Variants in FHIT observed in about 807,000 individuals in gnomAD.
FHIT encodes the protein fragile histidine triad diadenosine triphosphatase, also known as bis(5'-adenosyl)-triphosphatase.
Under a neutral mutation model 17.9 loss-of-function variants are expected in FHIT, and 19 were observed. That is an observed-to-expected ratio of 1.06 (90% CI 0.74 to 1.56). The LOEUF is 1.56. Ranked by LOEUF, FHIT falls within the 40% of genes most tolerant of loss-of-function variation. FHIT has a pLI of 0.00. For missense variants in FHIT, 248 were observed against 189.2 expected (o/e 1.31, Z -1.82); for synonymous variants, 81 against 69.7 (o/e 1.16, Z -0.81).
chr3:61,014,972 T>C (rs936750107), intron 3 of FHIT, among the ~76,000 whole-genome samples: 1 of 151,284 alleles, frequency 6.6e-6, no homozygotes, highest in South Asian at 2.1e-4. Context: ...TCTCTCATCT[T>C]GAAGTGTGTT....
chr3:60,137,598 C>T (rs995673768), intron 5 of FHIT, among the ~76,000 whole-genome samples: 3 of 152,118 alleles, frequency 2.0e-5, no homozygotes, highest in South Asian at 2.1e-4. Flanking sequence ...GGCACTGACA[C>T]TGATGGAGAC....
chr3:60,372,616 G>GA lies in FHIT; in HGVS notation c.103+164243dup, dbSNP rs1261195382. Reference sequence around the variant, plus strand: ...GATCTACTTCAATGAACAAACAATCGAAAGCTCTTTACTTCCTGATGGCAA... The same window carrying GA: ...GATCTACTTCAATGAACAAACAATCGAAAAGCTCTTTACTTCCTGATGGCAA... On this transcript the variant is annotated intron_variant, in intron 5 of 9. Coordinates refer to ENST00000492590, the MANE Select transcript of FHIT (RefSeq NM_002012.4). Among the ~76,000 whole-genome samples, 8 of 152,230 alleles carry GA rather than the reference G, an allele frequency of 5.3e-5. No homozygotes were observed. In the East Asian group the frequency reaches 1.5e-3, roughly 29 times the overall value.
intron 4 of FHIT, among the ~76,000 whole-genome samples, chr3:60,614,299 A>G (rs1553674833): frequency 2.6e-5 from 4 of 152,186 alleles, no homozygotes. Flanking sequence ...CACAGAATTC[A>G]TGTTCTAAGA....
chr3:60,043,612 G>C (rs979749346), intron 5 of FHIT, among the ~76,000 whole-genome samples: 4 of 152,116 alleles, frequency 2.6e-5, no homozygotes, highest in African/African-American at 9.7e-5. Context: ...TTTTGAACCT[G>C]AGCACTTATG....
intron 5 of FHIT, among the ~76,000 whole-genome samples, chr3:60,114,170 T>C (rs866227899): frequency 1.3e-5 from 2 of 148,962 alleles, no homozygotes; most frequent in African/African-American, 2.5e-5. Flanking sequence ...ACTTACTTAA[T>C]CCTCATAATC....
intron 1 of FHIT, among the ~76,000 whole-genome samples, chr3:61,206,278 T>C (rs1406669344): frequency 7.6e-6 from 1 of 131,104 alleles, no homozygotes. Flanking sequence ...TTCTTTTGGC[T>C]TAGGATTGAC....
chr3:60,032,100 G>A (rs1575933658), intron 5 of FHIT, among the ~76,000 whole-genome samples: 1 of 152,128 alleles, frequency 6.6e-6, no homozygotes, highest in East Asian at 1.9e-4. Flanking sequence ...TATTTAATAT[G>A]TAATAAAGAA....
chr3:59,966,153 A>T (rs11708404), intron 7 of FHIT, among the ~76,000 whole-genome samples: 13,236 of 152,260 alleles, frequency 0.087, 672 homozygotes, highest in Middle Eastern at 0.16. Flanking sequence ...ATTCTAACAA[A>T]GCAGAGGTAT....
intron 3 of FHIT, among the ~76,000 whole-genome samples, chr3:60,917,790 G>A (rs1421273066): frequency 1.3e-5 from 2 of 152,074 alleles, no homozygotes; most frequent in Admixed American, 6.5e-5. Context: ...AACTCCACTC[G>A]ACATTATATG....
intron 2 of FHIT, among the ~76,000 whole-genome samples, chr3:61,082,543 C>A (rs1293957975): frequency 6.6e-6 from 1 of 152,122 alleles, no homozygotes; most frequent in Non-Finnish European, 1.5e-5. Context: ...TACGAACATT[C>A]TCACATTTTT....
chr3:60,757,710 T>C (rs1211227953), intron 4 of FHIT, among the ~76,000 whole-genome samples: 1 of 152,172 alleles, frequency 6.6e-6, no homozygotes, highest in African/African-American at 2.4e-5. Flanking sequence ...ATGGGTCTGG[T>C]ATACCACTAG....
intron 5 of FHIT, among the ~76,000 whole-genome samples, chr3:60,033,935 C>G (rs1298704481): frequency 6.6e-6 from 1 of 152,192 alleles, no homozygotes; most frequent in Non-Finnish European, 1.5e-5. Context: ...AAAGAGGTAG[C>G]TTTCAGCTTC....
intron 4 of FHIT, among the ~76,000 whole-genome samples, chr3:60,656,981 C>A (rs201089653): frequency 1.1e-4 from 17 of 149,672 alleles, no homozygotes; most frequent in South Asian, 2.1e-4. Context: ...TATGTCCACA[C>A]AAAAAAAAAC....
chr3:60,364,403 G>A (rs1433316634), intron 5 of FHIT, among the ~76,000 whole-genome samples: 1 of 152,174 alleles, frequency 6.6e-6, no homozygotes, highest in Non-Finnish European at 1.5e-5. Context: ...ATCATACTCT[G>A]TAAGCACCTA....
At chr3:61,065,858 C>A (rs2034590285) in intron 2 of FHIT, among the ~76,000 whole-genome samples, 1 of 152,118 alleles carries the variant, frequency 6.6e-6, no homozygotes, top group South Asian at 2.1e-4. Context: ...GTTCTACAGA[C>A]CCATTACAGA....
chr3:61,060,800 A>G (rs535419949), intron 2 of FHIT, among the ~76,000 whole-genome samples: 12 of 152,354 alleles, frequency 7.9e-5, no homozygotes, highest in African/African-American at 2.9e-4. Flanking sequence ...AATGTCAATC[A>G]GTCACTGTTC....
chr3:60,172,312 C>T (rs1262815722), intron 5 of FHIT, among the ~76,000 whole-genome samples: 3 of 152,146 alleles, frequency 2.0e-5, no homozygotes, highest in African/African-American at 7.2e-5. Flanking sequence ...GTTGCCCAGG[C>T]TGCAGTGCAA....
At chr3:61,119,742 A>C (rs2036401662) in intron 2 of FHIT, among the ~76,000 whole-genome samples, 1 of 152,192 alleles carries the variant, frequency 6.6e-6, no homozygotes, top group African/African-American at 2.4e-5. Flanking sequence ...GGAAGGGTGA[A>C]TTTGCTCTCT....
At chr3:60,130,959 A>T (rs1417630087) in intron 5 of FHIT, among the ~76,000 whole-genome samples, 1 of 149,314 alleles carries the variant, frequency 6.7e-6, no homozygotes, top group East Asian at 2.0e-4. Flanking sequence ...GTGACAATAA[A>T]CCAGTAGAAA....
Sources: allele counts gnomAD v4.1 joint callset (sites outside exome capture counted in the v4.1 genomes callset), GRCh38; gene constraint gnomAD v4.1.1; transcripts MANE v1.5; gene names NCBI Gene and HGNC (gene_info 2026-07-23, HGNC 2026-07-21).